Variants in DYNC1I1 observed in about 807,000 individuals in gnomAD.
The protein encoded by DYNC1I1 is dynein cytoplasmic 1 intermediate chain 1, also known as cytoplasmic dynein 1 intermediate chain 1.
Under a neutral mutation model 86.6 loss-of-function variants are expected in DYNC1I1, and 43 were observed. The observed-to-expected ratio is 0.50, with a 90% CI of 0.39 to 0.64. The LOEUF (loss-of-function observed/expected upper bound fraction) is 0.64. Ranked by LOEUF, DYNC1I1 falls within the 30% of genes least tolerant of loss-of-function variation. The pLI is 0.00. For synonymous variants in DYNC1I1, 262 were observed against 283.7 expected (o/e 0.92, Z 0.77); for missense variants, 604 against 788.8 (o/e 0.77, Z 2.81).
At chr7:95,878,617 G>C (rs1420081341) in intron 6 of DYNC1I1, among the ~76,000 whole-genome samples, 4 of 152,134 alleles carry the variant, frequency 2.6e-5, no homozygotes, top group Admixed American at 6.6e-5. Flanking sequence ...CAGCCTACCT[G>C]TAACAGGAAT....
intron 6 of DYNC1I1, among the ~76,000 whole-genome samples, chr7:95,907,947 A>G (rs1196966325): frequency 6.6e-6 from 1 of 152,200 alleles, no homozygotes; most frequent in Non-Finnish European, 1.5e-5. Flanking sequence ...CAATACTTGC[A>G]AATTATGTAA....
intron 10 of DYNC1I1, among the ~76,000 whole-genome samples, chr7:96,018,460 C>T (rs987164766): frequency 8.5e-5 from 13 of 152,088 alleles, no homozygotes; most frequent in African/African-American, 1.9e-4. Flanking sequence ...ACTGATACAG[C>T]GATGTGTAGT....
chr7:96,063,103 A>ATG (rs1334285815), intron 14 of DYNC1I1, among the ~76,000 whole-genome samples: 1 of 138,798 alleles, frequency 7.2e-6, no homozygotes, highest in Non-Finnish European at 1.5e-5. Flanking sequence ...GTGTGTGTAT[A>ATG]TATATGTGTG....
At chr7:95,862,867 T>G (rs976695563) in intron 5 of DYNC1I1, among the ~76,000 whole-genome samples, 1 of 152,232 alleles carries the variant, frequency 6.6e-6, no homozygotes, top group Non-Finnish European at 1.5e-5. Flanking sequence ...ATATAATCTA[T>G]GTACATCCTC....
chr7:96,072,547 A>G (rs567724030), intron 14 of DYNC1I1, among the ~76,000 whole-genome samples: 1 of 152,328 alleles, frequency 6.6e-6, no homozygotes, highest in African/African-American at 2.4e-5. Context: ...CTTTAAAATC[A>G]TGAAGCTTCT....
intron 4 of DYNC1I1, among the ~76,000 whole-genome samples, chr7:95,815,816 G>A (rs530664662): frequency 1.4e-4 from 22 of 152,178 alleles, no homozygotes; most frequent in South Asian, 1.0e-3. Context: ...ACATCTGGCC[G>A]TAGCTAAAGG....
At chr7:95,938,554 T>A (rs1051401140) in intron 6 of DYNC1I1, among the ~76,000 whole-genome samples, 1 of 152,160 alleles carries the variant, frequency 6.6e-6, no homozygotes, top group Non-Finnish European at 1.5e-5. Flanking sequence ...ATCAGATAGA[T>A]CCAGCTTCAA....
chr7:95,866,044 G>C (rs1369001987), intron 5 of DYNC1I1, among the ~76,000 whole-genome samples: 1 of 152,186 alleles, frequency 6.6e-6, no homozygotes, highest in Non-Finnish European at 1.5e-5. Context: ...CCAGCATAGA[G>C]TCTGCAGCCT....
At chr7:95,851,179 C>G (rs560332116) in intron 5 of DYNC1I1, among the ~76,000 whole-genome samples, 1 of 152,262 alleles carries the variant, frequency 6.6e-6, no homozygotes, top group African/African-American at 2.4e-5. Context: ...AAGCAATCCT[C>G]CAGCCTTGGC....
chr7:96,062,452 CA>C (rs1302593027), intron 14 of DYNC1I1, among the ~76,000 whole-genome samples: 1 of 150,676 alleles, frequency 6.6e-6, no homozygotes, highest in Non-Finnish European at 1.5e-5. Context: ...TCTCTCTAAA[CA>C]ATGGGAACCC....
chr7:96,002,795 CA>C, intron 10 of DYNC1I1, among the ~76,000 whole-genome samples: 1 of 151,572 alleles, frequency 6.6e-6, no homozygotes, highest in South Asian at 2.1e-4. Flanking sequence ...AAAATAAGCT[CA>C]GCATTTTTTT....
At chr7:95,845,411 A>G (rs1378869396) in intron 5 of DYNC1I1, among the ~76,000 whole-genome samples, 1 of 152,252 alleles carries the variant, frequency 6.6e-6, no homozygotes, top group East Asian at 1.9e-4. Context: ...TTTGCCTAAC[A>G]GAACAGATGT....
At chr7:96,011,877 A>G (rs1432427440) in intron 10 of DYNC1I1, among the ~76,000 whole-genome samples, 1 of 152,214 alleles carries the variant, frequency 6.6e-6, no homozygotes, top group East Asian at 1.9e-4. Flanking sequence ...GCTACGGTTA[A>G]TTTAAAGATA....
intron 3 of DYNC1I1, among the ~76,000 whole-genome samples, chr7:95,811,320 A>G (rs1437940415): frequency 6.6e-6 from 1 of 152,156 alleles, no homozygotes; most frequent in Non-Finnish European, 1.5e-5. Context: ...CAATATAGTT[A>G]AAAACCCTTT....
intron 2 of DYNC1I1, among the ~76,000 whole-genome samples, chr7:95,809,225 A>G (rs1015369033): frequency 6.6e-6 from 1 of 152,136 alleles, no homozygotes; most frequent in African/African-American, 2.4e-5. Context: ...TTAGTTTATA[A>G]TCAGTGTGTA....
chr7:95,952,004 A>G (rs577089912), intron 6 of DYNC1I1, among the ~76,000 whole-genome samples: 1 of 152,186 alleles, frequency 6.6e-6, no homozygotes, highest in Non-Finnish European at 1.5e-5. Context: ...ACAAACAGAG[A>G]AGGACCTTTT....
intron 6 of DYNC1I1, among the ~76,000 whole-genome samples, chr7:95,878,951 G>A (rs202107442): frequency 1.8e-3 from 261 of 141,742 alleles, no homozygotes; most frequent in Middle Eastern, 7.4e-3. Context: ...AAGAAAAGAA[G>A]AAAAAAAAAA....
chr7:95,842,036 G>A (rs1248072767), intron 5 of DYNC1I1, among the ~76,000 whole-genome samples: 1 of 152,120 alleles, frequency 6.6e-6, no homozygotes, highest in Non-Finnish European at 1.5e-5. Flanking sequence ...TAAAAGTTGG[G>A]GTATTGTGTG....
intron 6 of DYNC1I1, among the ~76,000 whole-genome samples, chr7:95,960,707 G>A (rs182569775): frequency 1.3e-4 from 20 of 152,296 alleles, no homozygotes; most frequent in Admixed American, 1.2e-3. Context: ...GATCCAGAAA[G>A]TTTGACTCCT....
Sources: allele counts gnomAD v4.1 joint callset (sites outside exome capture counted in the v4.1 genomes callset), GRCh38; gene constraint gnomAD v4.1.1; transcripts MANE v1.5; gene names NCBI Gene and HGNC (gene_info 2026-07-23, HGNC 2026-07-21).